The following MAP4K1 variants were observed in gnomAD, a reference collection of about 807,000 sequenced individuals.
MAP4K1 encodes the protein mitogen-activated protein kinase kinase kinase kinase 1.
MAP4K1 carries 35 observed loss-of-function variants against 122.8 expected under a neutral mutation model. The ratio of observed to expected loss-of-function variants is 0.29; its 90% CI spans 0.22 to 0.38. The LOEUF (loss-of-function observed/expected upper bound fraction) is 0.38, where lower values mean the gene tolerates loss of function less well. Among genes scored for constraint, MAP4K1 ranks in the 10% least tolerant of loss-of-function variants. MAP4K1 has a pLI of 1.00. For missense variants in MAP4K1, 791 were observed against 1,072.6 expected, an observed-to-expected ratio of 0.74 and a Z score of 3.67; for synonymous variants, 412 against 421.3, an observed-to-expected ratio of 0.98 and a Z score of 0.27.
Position 38,600,168 on chromosome 19 carries a change from A to G in MAP4K1, c.1532-15T>C, listed in dbSNP as rs1975018569. 3 of 1,612,858 alleles carry G rather than the reference A, an allele frequency of 1.9e-6. No homozygotes were observed. In the African/African-American group the frequency reaches 4.0e-5, roughly 22 times the overall value. On this transcript the variant is annotated splice_polypyrimidine_tract_variant and intron_variant, in intron 20 of 30. Coordinates refer to ENST00000396857, the MANE Select transcript of MAP4K1 (RefSeq NM_001042600.3). ...CAGGTGCTGGTCTGGAGGCACAGACAAGGACGCTGGGACCGACTTCATCCT... is the reference window on the plus strand; with the variant it reads ...CAGGTGCTGGTCTGGAGGCACAGACGAGGACGCTGGGACCGACTTCATCCT...
rs1568615989 is a variant in MAP4K1, at chr19:38,587,793, T to G, written c.2421A>C (p.Pro807=). ...SPRPVVVETR[P]VDDPTAPSNL... ...TGCTGGGAGCAGTAGGATCATCCAC[T>G]GGGCGTGTCTCCACCACTACAGGCC... Residue 807 remains proline, a synonymous_variant, in exon 31 of 31, where the codon CCA becomes CCC. Transcript: ENST00000396857. The G allele has an allele frequency of 1.2e-6, 2 of 1,613,996 alleles. No individual in the cohort carries two copies. The highest frequency in any genetic ancestry group is 2.7e-5 in the African/African-American group (2 of 74,932).
At chr19:38,592,275 A>G (rs901807626) in intron 30 of MAP4K1, among the ~76,000 whole-genome samples, 25 of 152,266 alleles carry the variant, frequency 1.6e-4, no homozygotes, top group African/African-American at 5.3e-4. Flanking sequence ...CCTTGTCTCA[A>G]AAATGAAATA....
In MAP4K1 at chr19:38,614,429, T is replaced by A. The variant is rs769375248; in HGVS notation, c.330A>T (p.Ser110=). The part of the protein sequence containing the change: ...QDIYQVTGSL[S]ELQISYVCRE... ...GGCAGACATAGCTAATCTGGAGCTC[T>A]GACAGGGAGCCTGTCACTGCAAAGG... Residue 110 remains serine, a synonymous_variant, in exon 5 of 31, where the codon TCA becomes TCT. Coordinates refer to ENST00000396857, the MANE Select transcript of MAP4K1 (RefSeq NM_001042600.3). 8.1e-6 allele frequency: 13 copies of A among 1,613,966 alleles called. No homozygotes were observed. The Admixed American group carries it at 2.0e-4, about 25-fold the overall frequency.
At chr19:38,601,177 G>A (rs1177829139) in intron 20 of MAP4K1, among the ~76,000 whole-genome samples, 4 of 152,006 alleles carry the variant, frequency 2.6e-5, no homozygotes, top group African/African-American at 9.7e-5. Flanking sequence ...TTGAACTCCT[G>A]ACCTCAAATG....
chr19:38,614,006 C>CA (rs1975575633), intron 7 of MAP4K1, 37 bp downstream of exon 7: 1 of 1,613,490 alleles, frequency 6.2e-7, no homozygotes, highest in Non-Finnish European at 8.5e-7. Flanking sequence ...TCCGGCCCCC[C>CA]AGTCAGCCCC....
chr19:38,606,764 G>A (rs1159496956), intron 16 of MAP4K1, among the ~76,000 whole-genome samples: 1 of 152,230 alleles, frequency 6.6e-6, no homozygotes, highest in Non-Finnish European at 1.5e-5. Context: ...GTGGAGTGCT[G>A]ACAGTGCACC....
At chr19:38,602,765 TA>T (rs1434896220) in intron 19 of MAP4K1, among the ~76,000 whole-genome samples, 1 of 145,118 alleles carries the variant, frequency 6.9e-6, no homozygotes, top group African/African-American at 2.7e-5. Flanking sequence ...TATATACGCA[TA>T]TACATATATA....
At chr19:38,614,152 C>T in intron 6 of MAP4K1, 67 bp from the exon 7 acceptor site, 1 of 1,609,738 alleles carries the variant, frequency 6.2e-7, no homozygotes, top group Non-Finnish European at 8.5e-7. Flanking sequence ...CCCACTCCGC[C>T]AGCTCAAACT....
At chr19:38,591,462 C>T (rs931324459) in intron 30 of MAP4K1, among the ~76,000 whole-genome samples, 5 of 140,156 alleles carry the variant, frequency 3.6e-5, no homozygotes, top group African/African-American at 1.4e-4. Context: ...ACCCGGGAGG[C>T]AGAGGTTGCA....
At position 38,597,358 on chromosome 19, in the gene MAP4K1, T is replaced by C; in HGVS notation, c.1805A>G (p.Gln602Arg). 6.2e-7 allele frequency: 1 copy of C among 1,614,054 alleles called. No individual in the cohort carries two copies. Among genetic ancestry groups the C allele is most frequent in the Non-Finnish European group, 8.5e-7 (1 of 1,180,042 alleles). The stretch of plus-strand genomic sequence containing the variant: ...GCACGCCCGGCAGCCTTTGGTGTCC[T>C]GGATCTTGGTGGAAACCATGTTCTT... The part of the protein sequence containing the change: ...ARKNMVSTKI[Q>R]DTKGCRACCV... The change falls in exon 24 of 31, where the codon CAG becomes CGG. Residue 602 changes from glutamine (Q) to arginine (R), a missense_variant. Transcript: ENST00000396857. The surrounding 1 kb of genome is among the most constrained non-coding windows in gnomAD (Gnocchi z 4.6).
chr19:38,588,567 G>A (rs1009240536), intron 30 of MAP4K1, among the ~76,000 whole-genome samples: 4 of 151,694 alleles, frequency 2.6e-5, no homozygotes, highest in East Asian at 1.9e-4. Flanking sequence ...TGGCTAACAC[G>A]GTGAAACCCC....
intron 30 of MAP4K1, among the ~76,000 whole-genome samples, chr19:38,590,394 A>ATATATATATAT (rs1226154169): frequency 5.8e-5 from 1 of 17,294 alleles, no homozygotes; most frequent in Non-Finnish European, 1.0e-4. Flanking sequence ...AAAAAAAAAA[A>ATATATATATAT]ATATATATAT....
intron 11 of MAP4K1, among the ~76,000 whole-genome samples, chr19:38,610,372 A>ATTTTTT (rs35103992): frequency 1.1e-4 from 8 of 76,178 alleles, no homozygotes; most frequent in African/African-American, 2.4e-4. Flanking sequence ...CGCCCAGCTA[A>ATTTTTT]TTTTTTTTTT....
At position 38,590,391 on chromosome 19, in the gene MAP4K1, AAAAATATATATATATATATAT is replaced by A. The variant is rs1160130487; in HGVS notation, c.2397-2595_2397-2575del. Among the ~76,000 whole-genome samples, 16 of 37,942 alleles carry A rather than the reference AAAAATATATATATATATATAT, an allele frequency of 4.2e-4. 1 individual carries two copies. The highest frequency in any genetic ancestry group is 7.0e-4 in the African/African-American group (5 of 7,146). 24.9% of individuals were successfully genotyped at this position (37,942 alleles called of 152,430 possible). On this transcript the variant is annotated intron_variant, in intron 30 of 30. Transcript: ENST00000396857. ...TGGACCAGAAAAAAAAAAAAAAAAAAAAAATATATATATATATATATATATATATATATATATATATATATA... is the reference window on the plus strand; with the variant it reads ...TGGACCAGAAAAAAAAAAAAAAAAAAATATATATATATATATATATATATA...
intron 30 of MAP4K1, 73 bp downstream of exon 30, chr19:38,593,209 G>A: frequency 7.0e-7 from 1 of 1,426,510 alleles, no homozygotes; most frequent in Non-Finnish European, 9.7e-7. Flanking sequence ...ACCTTGCTGG[G>A]GACACCTCAG....
At chr19:38,613,517 C>G (rs1975561761) in intron 8 of MAP4K1, among the ~76,000 whole-genome samples, 1 of 151,228 alleles carries the variant, frequency 6.6e-6, no homozygotes, top group Admixed American at 6.6e-5. Context: ...AGAGTGAGAC[C>G]CTGTCTCTAA....
At chr19:38,596,552 T>C in intron 25 of MAP4K1, 66 bp from the exon 26 acceptor site, 1 of 1,337,154 alleles carries the variant, frequency 7.5e-7, no homozygotes, top group South Asian at 1.5e-5. Flanking sequence ...GGGGCGTGGC[T>C]TGTAGCTGGC....
In MAP4K1 at chr19:38,607,770, G is replaced by A. The variant is rs1015995611; in HGVS notation, c.1157+94C>T. 18 of 1,332,734 alleles carry A rather than the reference G, an allele frequency of 1.4e-5. No homozygotes were observed. The African/African-American group carries it at 1.4e-4, about 11-fold the overall frequency. 82.6% of individuals were successfully genotyped at this position (1,332,734 alleles called of 1,614,324 possible). A position where few individuals can be genotyped will look rare whatever the true frequency, so the allele number is the denominator to read the frequency against. ...GCTAGAAGAAAGGCAGGGGTGCAGCGGGGTCAGGAGTGGAGGAAAGGCCAC... is the reference window on the plus strand; with the variant it reads ...GCTAGAAGAAAGGCAGGGGTGCAGCAGGGTCAGGAGTGGAGGAAAGGCCAC... On this transcript the variant is annotated intron_variant, in intron 16 of 30. Coordinates refer to ENST00000396857, the MANE Select transcript of MAP4K1 (RefSeq NM_001042600.3).
intron 19 of MAP4K1, among the ~76,000 whole-genome samples, chr19:38,602,750 G>GTACATATATACGCATA (rs1178813042): frequency 8.6e-6 from 1 of 116,060 alleles, no homozygotes; most frequent in Non-Finnish European, 1.8e-5. Context: ...ATATACACAT[G>GTACATATATACGCATA]TACATATATA....
Sources: allele counts gnomAD v4.1 joint callset (sites outside exome capture counted in the v4.1 genomes callset), GRCh38; gene constraint gnomAD v4.1.1; non-coding constraint Gnocchi (gnomAD v3.1); transcripts MANE v1.5; gene names NCBI Gene and HGNC (gene_info 2026-07-23, HGNC 2026-07-21).